Variants in RBM45 observed in about 807,000 individuals in gnomAD.
RBM45 encodes the protein RNA binding motif protein 45.
RBM45 carries 39 observed loss-of-function variants against 58.5 expected under a neutral mutation model. That is an observed-to-expected ratio of 0.67 (90% CI 0.52 to 0.87). The LOEUF (loss-of-function observed/expected upper bound fraction) is 0.87, where lower values mean the gene tolerates loss of function less well. RBM45 is among the 40% of genes least tolerant of loss of function. The probability of loss-of-function intolerance (pLI) is 0.00; values close to 1 mark genes in which losing one functional copy is unlikely to be tolerated. For missense variants in RBM45, 481 were observed against 581.6 expected (o/e 0.83, Z 1.78); for synonymous variants, 193 against 203.0 (o/e 0.95, Z 0.42).
chr2:178,133,524 G>A (rs972534674), downstream of RBM45, among the ~76,000 whole-genome samples: 3 of 152,154 alleles, frequency 2.0e-5, no homozygotes, highest in Admixed American at 6.5e-5. Context: ...TCTTATAATC[G>A]TAAGATGAAT....
chr2:178,124,089 G>A (rs1226937828), intron 7 of RBM45, 38 bp from the exon 8 acceptor site: 3 of 1,566,284 alleles, frequency 1.9e-6, no homozygotes, highest in Non-Finnish European at 2.6e-6. Context: ...TCCCTAAAGG[G>A]CATTTTTTTC....
chr2:178,116,485 A>G, intron 2 of RBM45, 101 bp downstream of exon 2: 2 of 932,462 alleles, frequency 2.1e-6, no homozygotes, highest in East Asian at 2.9e-5. Flanking sequence ...TCAATAGAGT[A>G]GTCTTGGGGA....
chr2:178,118,406 T>G (rs1183298940), intron 3 of RBM45, among the ~76,000 whole-genome samples: 1 of 152,206 alleles, frequency 6.6e-6, no homozygotes, highest in Non-Finnish European at 1.5e-5. Context: ...ATTAACTTAG[T>G]AAGTGAAATG....
chr2:178,128,603 C>T (rs1026590757), intron 9 of RBM45, among the ~76,000 whole-genome samples: 1 of 152,170 alleles, frequency 6.6e-6, no homozygotes, highest in Non-Finnish European at 1.5e-5. Context: ...GCATTTTCAG[C>T]ATGGCTGTTC....
intron 1 of RBM45, among the ~76,000 whole-genome samples, chr2:178,113,631 C>A (rs985954845): frequency 1.3e-5 from 2 of 152,142 alleles, no homozygotes; most frequent in African/African-American, 4.8e-5. Context: ...ATAATATGTG[C>A]TGTCAGCACA....
exon 4 of RBM45, chr2:178,138,047 T>C (rs1431252827): frequency 1.3e-5 from 2 of 152,122 alleles, no homozygotes; most frequent in African/African-American, 4.8e-5. Flanking sequence ...TAAATTAATA[T>C]TTGAGTCAGA....
chr2:178,118,227 G>A (rs775473022), intron 3 of RBM45, 46 bp downstream of exon 3: 5 of 1,541,016 alleles, frequency 3.2e-6, no homozygotes, highest in East Asian at 2.3e-5. Context: ...AAAAAATTCT[G>A]ATTATTCTAA....
chr2:178,125,588 A>G (rs2087918434), intron 8 of RBM45: 1 of 368,984 alleles, frequency 2.7e-6, no homozygotes, highest in South Asian at 2.3e-5. Flanking sequence ...TCCAAGGACA[A>G]TGTCAGAACG....
chr2:178,133,987 TTA>T (rs1192058388), downstream of RBM45: 1 of 152,192 alleles, frequency 6.6e-6, no homozygotes, highest in Non-Finnish European at 1.5e-5. Context: ...TGCTTTGACT[TTA>T]TTTAAGGTAG....
At chr2:178,131,304 G>T (rs1179521921), downstream of RBM45, among the ~76,000 whole-genome samples, 1 of 152,210 alleles carries the variant, frequency 6.6e-6, no homozygotes, top group Non-Finnish European at 1.5e-5. Flanking sequence ...ATTTCTGCCA[G>T]GTGGTTAATC....
chr2:178,132,694 G>A (rs1055311416), downstream of RBM45, among the ~76,000 whole-genome samples: 1 of 152,150 alleles, frequency 6.6e-6, no homozygotes, highest in Non-Finnish European at 1.5e-5. Flanking sequence ...GGGTTCAAGC[G>A]ATTCTGCTGC....
Position 178,121,448 on chromosome 2 carries a change from T to G in RBM45, c.853+89T>G, listed in dbSNP as rs551123855. On this transcript the variant is annotated intron_variant, in intron 5 of 9. Coordinates refer to ENST00000286070, the MANE Select transcript of RBM45 (RefSeq NM_152945.4). ...CACACACACACACACACACACAGAG[T>G]TTTGTTAAAATGGCTTTTCTCTAGT... is the stretch of plus-strand genomic sequence containing the variant. 1,574 of 685,896 alleles carry G rather than the reference T, an allele frequency of 2.3e-3. 12 individuals carry two copies. The highest frequency in any genetic ancestry group is 2.9e-3 in the Admixed American group (67 of 22,792). The allele number at this position is 685,896 out of a possible 1,614,324, so 42.5% of individuals were successfully genotyped here.
chr2:178,113,605 T>C (rs1022028618), intron 1 of RBM45, among the ~76,000 whole-genome samples: 1 of 152,192 alleles, frequency 6.6e-6, no homozygotes, highest in African/African-American at 2.4e-5. Context: ...AAGGATCATT[T>C]TGAGGGTTAT....
At chr2:178,138,846 A>G (rs1228093062) in exon 4 of RBM45, 1 of 151,994 alleles carries the variant, frequency 6.6e-6, no homozygotes, top group Non-Finnish European at 1.5e-5. Flanking sequence ...CCAAGAAGGA[A>G]TGGCAGTTTA....
intron 9 of RBM45, among the ~76,000 whole-genome samples, chr2:178,127,126 C>G (rs948691458): frequency 6.6e-6 from 1 of 152,110 alleles, no homozygotes; most frequent in East Asian, 1.9e-4. Context: ...TTAGTAGAGG[C>G]GGGGTTTCAC....
At chr2:178,120,162 G>A (rs528251492) in intron 3 of RBM45, 125 bp from the exon 4 acceptor site, 26 of 1,187,988 alleles carry the variant, frequency 2.2e-5, no homozygotes, top group Non-Finnish European at 2.9e-5. Context: ...TGGAGGAGAT[G>A]GCCATTGTAT....
chr2:178,133,878 C>T (rs1476827693), downstream of RBM45: 1 of 152,124 alleles, frequency 6.6e-6, no homozygotes, highest in Non-Finnish European at 1.5e-5. Context: ...AGCTCAAGAA[C>T]ACATGGATCC....
intron 9 of RBM45, among the ~76,000 whole-genome samples, chr2:178,127,994 CT>C (rs3067447): frequency 4.7e-3 from 342 of 72,526 alleles, no homozygotes; most frequent in Admixed American, 9.6e-3. Flanking sequence ...TCTCTACGCC[CT>C]TTTTTTTTTT....
intron 3 of RBM45, among the ~76,000 whole-genome samples, chr2:178,136,242 G>A (rs141409357): frequency 0.022 from 3,312 of 152,254 alleles, 86 homozygotes; most frequent in African/African-American, 0.064. Context: ...CCCGGGAGGC[G>A]GAACTTGCAG....
Sources: allele counts gnomAD v4.1 joint callset (sites outside exome capture counted in the v4.1 genomes callset), GRCh38; gene constraint gnomAD v4.1.1; transcripts MANE v1.5; gene names NCBI Gene and HGNC (gene_info 2026-07-23, HGNC 2026-07-21).